Variants in SBF2 observed in about 807,000 individuals in gnomAD.
SBF2 encodes myotubularin-related protein 13.
SBF2 carries 112 observed loss-of-function variants against 225.2 expected under a neutral mutation model. The observed-to-expected ratio is 0.50, with a 90% CI of 0.43 to 0.58. The LOEUF (loss-of-function observed/expected upper bound fraction) is 0.58, where lower values mean the gene tolerates loss of function less well. Ranked by LOEUF, SBF2 falls within the 20% of genes least tolerant of loss-of-function variation. The pLI, the probability that SBF2 is intolerant of heterozygous loss-of-function variation, is 0.00. For missense variants in SBF2, 1,996 were observed against 2,206.2 expected (o/e 0.90, Z 1.91); for synonymous variants, 763 against 773.3 (o/e 0.99, Z 0.22).
rs1013183785 is a variant in SBF2, at chr11:10,209,598, C to T, written c.56-15611G>A. 2.6e-5 allele frequency among the ~76,000 whole-genome samples: 4 copies of T among 152,058 alleles called. No individual in the cohort carries two copies. The East Asian group carries it at 5.8e-4, about 22-fold the overall frequency. On this transcript the variant is annotated intron_variant, in intron 1 of 39. Transcript: ENST00000256190. ...TAGAGTATTTCTCAAGCTCCCAATG[C>T]TGTTTGTACCCCCTATTAAGCATTT... is the stretch of plus-strand genomic sequence containing the variant.
intron 2 of SBF2, among the ~76,000 whole-genome samples, chr11:10,068,431 T>C (rs1209928839): frequency 1.3e-5 from 2 of 152,178 alleles, no homozygotes; most frequent in Non-Finnish European, 2.9e-5. Flanking sequence ...AAATACTGTT[T>C]TCCTATTTCT....
In SBF2 at chr11:9,899,339, A is replaced by T. The variant is rs1298207770; in HGVS notation, c.1861-3328T>A. On this transcript the variant is annotated intron_variant, in intron 16 of 39. Transcript: ENST00000256190. ...GGTGACTCTGCTTCTACAAAAAATT[A>T]AAAAAAAAAAAAAAACTGGCCAGGT... Among the ~76,000 whole-genome samples the T allele has an allele frequency of 2.7e-3, 71 of 26,620 alleles. No individual in the cohort carries two copies. The East Asian group carries it at 0.04, about 15-fold the overall frequency. 17.5% of individuals were successfully genotyped at this position (26,620 alleles called of 152,430 possible).
At chr11:10,088,025 AT>A (rs751589524) in intron 2 of SBF2, among the ~76,000 whole-genome samples, 2,219 of 141,678 alleles carry the variant, frequency 0.016, 39 homozygotes, top group African/African-American at 0.048. Context: ...GCAAACTTTA[AT>A]TTTTTTTTTT....
At chr11:9,910,263 C>G (rs1862488538) in intron 16 of SBF2, among the ~76,000 whole-genome samples, 1 of 152,116 alleles carries the variant, frequency 6.6e-6, no homozygotes. Context: ...ATTGTAACAT[C>G]CAAGAGAGCA....
chr11:9,856,330 T>G lies in SBF2; in HGVS notation c.2363+128A>C. 9 of 1,207,598 alleles carry G rather than the reference T, an allele frequency of 7.5e-6. 1 individual carries two copies. The South Asian group carries it at 1.1e-4, about 15-fold the overall frequency. 74.8% of individuals were successfully genotyped at this position (1,207,598 alleles called of 1,614,324 possible). A position where few individuals can be genotyped will look rare whatever the true frequency, so the allele number is the denominator to read the frequency against. On this transcript the variant is annotated intron_variant, in intron 19 of 39. Coordinates refer to ENST00000256190, the MANE Select transcript of SBF2 (RefSeq NM_030962.4). ...AAGAAAAGCTGAGCAAGTCCAAAGG[T>G]GAGGAAAAATGGTTAACTTTTGAAA...
At chr11:10,252,624 C>T (rs1231223207) in intron 1 of SBF2, among the ~76,000 whole-genome samples, 1 of 152,132 alleles carries the variant, frequency 6.6e-6, no homozygotes, top group African/African-American at 2.4e-5. Flanking sequence ...TCCTGACTAA[C>T]ACGGTGAAAC....
chr11:10,250,695 T>C (rs1960255542), intron 1 of SBF2, among the ~76,000 whole-genome samples: 1 of 152,176 alleles, frequency 6.6e-6, no homozygotes, highest in Non-Finnish European at 1.5e-5. Context: ...AAGAAAGTTT[T>C]TATGGTTCAC....
At chr11:10,170,818 GT>G (rs200583516) in intron 2 of SBF2, among the ~76,000 whole-genome samples, 10 of 140,380 alleles carry the variant, frequency 7.1e-5, no homozygotes, top group East Asian at 2.0e-4. Flanking sequence ...GTCCTCCTCA[GT>G]TTTTTTTTCA....
chr11:9,994,738 AAAAATTACT>A (rs1947614072), intron 9 of SBF2, among the ~76,000 whole-genome samples: 1 of 151,870 alleles, frequency 6.6e-6, no homozygotes, highest in Non-Finnish European at 1.5e-5. Context: ...AAGTGTAATT[AAAAATTACT>A]GAGGAGAGGC....
At chr11:10,192,995 G>C (rs768683958) in intron 2 of SBF2, among the ~76,000 whole-genome samples, 3 of 152,036 alleles carry the variant, frequency 2.0e-5, no homozygotes, top group Non-Finnish European at 4.4e-5. Context: ...GAATATCTTG[G>C]GTAGCATAAA....
intron 2 of SBF2, among the ~76,000 whole-genome samples, chr11:10,168,153 G>A (rs1161310180): frequency 1.3e-5 from 2 of 152,068 alleles, no homozygotes; most frequent in African/African-American, 4.8e-5. Flanking sequence ...CTCTCCACTA[G>A]AAATTTAAGT....
chr11:10,285,789 T>C (rs1176749463), intron 1 of SBF2, among the ~76,000 whole-genome samples: 1 of 152,188 alleles, frequency 6.6e-6, no homozygotes, highest in Admixed American at 6.5e-5. Flanking sequence ...GTTTGTGCAT[T>C]TTGTCCAATT....
chr11:10,048,150 A>G (rs1949936992), intron 2 of SBF2, among the ~76,000 whole-genome samples: 1 of 152,140 alleles, frequency 6.6e-6, no homozygotes, highest in Non-Finnish European at 1.5e-5. Flanking sequence ...CAGATAATCA[A>G]GTCCCACAGT....
At chr11:9,822,434 G>C (rs1372713995) in intron 28 of SBF2, among the ~76,000 whole-genome samples, 2 of 151,952 alleles carry the variant, frequency 1.3e-5, no homozygotes, top group African/African-American at 4.8e-5. Flanking sequence ...CTAATTTTTT[G>C]TATTTTTAGT....
At chr11:10,141,344 T>C (rs1377752841) in intron 2 of SBF2, among the ~76,000 whole-genome samples, 2 of 152,202 alleles carry the variant, frequency 1.3e-5, no homozygotes, top group African/African-American at 4.8e-5. Context: ...GAAGGAGTCA[T>C]TAGATAATTT....
chr11:10,159,633 T>A (rs1955637331), intron 2 of SBF2, among the ~76,000 whole-genome samples: 1 of 152,192 alleles, frequency 6.6e-6, no homozygotes, highest in South Asian at 2.1e-4. Context: ...CCGGGCATGG[T>A]GGCTCATGCT....
At chr11:9,996,088 C>A (rs549413286) in intron 9 of SBF2, among the ~76,000 whole-genome samples, 52 of 152,244 alleles carry the variant, frequency 3.4e-4, no homozygotes, top group African/African-American at 1.3e-3. Flanking sequence ...AATTTGGTGG[C>A]ACGGGTGTTG....
chr11:10,122,298 G>C (rs527389320), intron 2 of SBF2, among the ~76,000 whole-genome samples: 1 of 152,172 alleles, frequency 6.6e-6, no homozygotes, highest in African/African-American at 2.4e-5. Context: ...AAATTTGTGG[G>C]TGGAAGACAG....
intron 16 of SBF2, among the ~76,000 whole-genome samples, chr11:9,948,400 T>TG (rs1424510361): frequency 6.6e-6 from 1 of 152,192 alleles, no homozygotes; most frequent in Non-Finnish European, 1.5e-5. Context: ...TACTTAAGGA[T>TG]GGTTAAAATA....
Sources: allele counts gnomAD v4.1 joint callset (sites outside exome capture counted in the v4.1 genomes callset), GRCh38; gene constraint gnomAD v4.1.1; transcripts MANE v1.5; gene names NCBI Gene and HGNC (gene_info 2026-07-23, HGNC 2026-07-21).